Variants in LRP1B observed in about 807,000 individuals in gnomAD.
The protein encoded by LRP1B is low-density lipoprotein receptor-related protein 1B.
A neutral mutation model predicts 556.6 loss-of-function variants in LRP1B; 217 were observed. The observed-to-expected ratio is 0.39, with a 90% CI of 0.35 to 0.44. LRP1B has a LOEUF of 0.44. Among genes scored for constraint, LRP1B ranks in the 20% least tolerant of loss-of-function variants. The pLI, the probability that LRP1B is intolerant of heterozygous loss-of-function variation, is 1.00. For missense variants in LRP1B, 5,053 were observed against 5,620.8 expected, an observed-to-expected ratio of 0.90 and a Z score of 3.23; for synonymous variants, 2,047 against 1,865.8, an observed-to-expected ratio of 1.10 and a Z score of -2.50.
intron 1 of LRP1B, among the ~76,000 whole-genome samples, chr2:141,990,745 G>T (rs1702321752): frequency 6.6e-6 from 1 of 151,982 alleles, no homozygotes; most frequent in Non-Finnish European, 1.5e-5. Context: ...GTATCTATAT[G>T]CACACACATA....
rs1553457406 is a variant in LRP1B at position 140,383,293 on chromosome 2, C to CATGTGTGTGTGT, written c.10531+2599_10531+2600insACACACACACAT. Among the ~76,000 whole-genome samples the CATGTGTGTGTGT allele has an allele frequency of 4.3e-4, 63 of 145,746 alleles. 1 individual carries two copies. Among genetic ancestry groups the CATGTGTGTGTGT allele is most frequent in the African/African-American group, 1.3e-3 (52 of 39,762 alleles). ...CCTAATGTATTAGGACAGTGATGTG[C>CATGTGTGTGTGT]GTGTGTGTGTGTGTGTGTGTGTGTG... On this transcript the variant is annotated intron_variant, in intron 67 of 90. Coordinates refer to ENST00000389484, the MANE Select transcript of LRP1B (RefSeq NM_018557.3).
intron 21 of LRP1B, 142 bp from the exon 22 acceptor site, chr2:140,908,219 A>G: frequency 1.5e-6 from 1 of 645,986 alleles, no homozygotes; most frequent in Non-Finnish European, 2.7e-6. Context: ...ATTATTTGAC[A>G]GTTTATTTTC....
In LRP1B at chr2:140,939,937, G is replaced by A. The variant is rs1303628206; in HGVS notation, c.3136+10298C>T. Reference sequence around the variant, plus strand: ...GTCTCAATCTGTCACCCAGGCTGGAGTGCAGTGGTGCAATTTCAGTTCACT... The same window carrying A: ...GTCTCAATCTGTCACCCAGGCTGGAATGCAGTGGTGCAATTTCAGTTCACT... On this transcript the variant is annotated intron_variant, in intron 20 of 90. Coordinates refer to ENST00000389484, the MANE Select transcript of LRP1B (RefSeq NM_018557.3). Among the ~76,000 whole-genome samples, 12 of 147,512 alleles carry A rather than the reference G, an allele frequency of 8.1e-5. No individual in the cohort carries two copies. In the South Asian group the frequency reaches 2.3e-3, roughly 29 times the overall value.
At chr2:141,344,156 G>A (rs1688165134) in intron 3 of LRP1B, among the ~76,000 whole-genome samples, 1 of 152,156 alleles carries the variant, frequency 6.6e-6, no homozygotes, top group African/African-American at 2.4e-5. Flanking sequence ...AGGTCAAAGG[G>A]TAAATCTCAT....
At chr2:140,588,999 C>CA (rs1682109970) in intron 43 of LRP1B, among the ~76,000 whole-genome samples, 1 of 150,026 alleles carries the variant, frequency 6.7e-6, no homozygotes, top group Non-Finnish European at 1.5e-5. Flanking sequence ...CATCCATAGG[C>CA]AAAAAAGTGG....
chr2:140,447,441 T>A (rs1265323030), intron 63 of LRP1B, among the ~76,000 whole-genome samples: 1 of 152,104 alleles, frequency 6.6e-6, no homozygotes, highest in Non-Finnish European at 1.5e-5. Context: ...GTTTACACTA[T>A]ACTGTAGTCT....
intron 31 of LRP1B, among the ~76,000 whole-genome samples, chr2:140,830,705 T>C (rs763318981): frequency 1.3e-5 from 2 of 152,074 alleles, no homozygotes; most frequent in Non-Finnish European, 1.5e-5. Flanking sequence ...GACAAGGATG[T>C]TTCTATTACT....
Position 140,239,571 on chromosome 2 carries a change from A to T in LRP1B, c.13325-39T>A, listed in dbSNP as rs753628457. On this transcript the variant is annotated intron_variant, in intron 87 of 90. Transcript: ENST00000389484. ...GAGTGAATAGATGAAGAAATAAATA[A>T]AATGAAGTAAAAATTGATAAAACTA... is the stretch of plus-strand genomic sequence containing the variant. The T allele has an allele frequency of 9.0e-6, 12 of 1,337,078 alleles. No individual in the cohort carries two copies. The Admixed American group carries it at 2.3e-4, about 25-fold the overall frequency. 82.8% of individuals were successfully genotyped at this position (1,337,078 alleles called of 1,614,324 possible).
chr2:141,596,429 C>G (rs1452840305), intron 2 of LRP1B, among the ~76,000 whole-genome samples: 1 of 151,912 alleles, frequency 6.6e-6, no homozygotes, highest in Non-Finnish European at 1.5e-5. Flanking sequence ...GATCAAAAGT[C>G]AAGTGATGAG....
At chr2:140,565,170 A>C in intron 43 of LRP1B, among the ~76,000 whole-genome samples, 1 of 150,726 alleles carries the variant, frequency 6.6e-6, no homozygotes, top group African/African-American at 2.4e-5. Context: ...ATAATATATA[A>C]TATATATTTT....
rs1390821351 is a variant in LRP1B at position 141,320,616 on chromosome 2, G to A, written c.344-65975C>T. Reference sequence around the variant, plus strand: ...CTACAAAAACCTGCAGCCTGAAACTGCCCAAGAAATTGTATGTCGGCAGTT... The same window carrying A: ...CTACAAAAACCTGCAGCCTGAAACTACCCAAGAAATTGTATGTCGGCAGTT... On this transcript the variant is annotated intron_variant, in intron 3 of 90. Transcript: ENST00000389484. Among the ~76,000 whole-genome samples the A allele has an allele frequency of 3.9e-5, 6 of 152,014 alleles. No homozygotes were observed. In the East Asian group the frequency reaches 9.6e-4, roughly 24 times the overall value.
chr2:141,247,854 T>C (rs1347596131), intron 4 of LRP1B, among the ~76,000 whole-genome samples: 2 of 152,220 alleles, frequency 1.3e-5, no homozygotes, highest in Non-Finnish European at 2.9e-5. Flanking sequence ...TAAATAAATT[T>C]CATTTTAATA....
At chr2:141,860,020 A>G (rs111809107) in intron 1 of LRP1B, among the ~76,000 whole-genome samples, 77 of 152,244 alleles carry the variant, frequency 5.1e-4, no homozygotes, top group Non-Finnish European at 8.7e-4. Context: ...ACAAACAGAA[A>G]ATGTTATTTT....
intron 1 of LRP1B, among the ~76,000 whole-genome samples, chr2:142,053,475 T>C (rs904593306): frequency 6.6e-6 from 1 of 151,926 alleles, no homozygotes; most frequent in Non-Finnish European, 1.5e-5. Context: ...AAACAAAGGT[T>C]ATATACATAT....
At chr2:140,889,476 A>G (rs1282885424) in intron 23 of LRP1B, among the ~76,000 whole-genome samples, 2 of 152,122 alleles carry the variant, frequency 1.3e-5, no homozygotes, top group Non-Finnish European at 2.9e-5. Flanking sequence ...TTGTATTTTT[A>G]GTAGAGACAG....
intron 7 of LRP1B, among the ~76,000 whole-genome samples, chr2:141,186,379 G>A (rs1681260868): frequency 6.6e-6 from 1 of 151,932 alleles, no homozygotes; most frequent in Non-Finnish European, 1.5e-5. Flanking sequence ...AATTATTCTA[G>A]AGCAGGCCCA....
chr2:140,561,034 CCTGA>C (rs1680910365), intron 43 of LRP1B, among the ~76,000 whole-genome samples: 1 of 152,122 alleles, frequency 6.6e-6, no homozygotes, highest in Admixed American at 6.6e-5. Context: ...AAAGTTTCTC[CCTGA>C]CTTTCTCCTG....
chr2:142,031,330 A>ATCTTTTTTTTTTT (rs1553506158), intron 1 of LRP1B, among the ~76,000 whole-genome samples: 1 of 117,050 alleles, frequency 8.5e-6, no homozygotes, highest in African/African-American at 2.9e-5. Context: ...GATTATACTT[A>ATCTTTTTTTTTTT]TTTTTTTTTT....
intron 3 of LRP1B, among the ~76,000 whole-genome samples, chr2:141,342,268 A>AAAAAC (rs1688094333): frequency 9.1e-6 from 1 of 110,080 alleles, no homozygotes; most frequent in African/African-American, 3.9e-5. Flanking sequence ...TAAAATAAAT[A>AAAAAC]AAAATAAAAT....
Sources: allele counts gnomAD v4.1 joint callset (sites outside exome capture counted in the v4.1 genomes callset), GRCh38; gene constraint gnomAD v4.1.1; transcripts MANE v1.5; gene names NCBI Gene and HGNC (gene_info 2026-07-23, HGNC 2026-07-21).